HM13: variants seen among roughly 807,000 people sequenced by gnomAD.
HM13 encodes the protein signal peptide peptidase.
A neutral mutation model predicts 50.0 loss-of-function variants in HM13; 18 were observed. The ratio of observed to expected loss-of-function variants is 0.36; its 90% CI spans 0.25 to 0.53. The LOEUF (loss-of-function observed/expected upper bound fraction) is 0.53, where lower values mean the gene tolerates loss of function less well. HM13 is among the 20% of genes least tolerant of loss of function. The probability of loss-of-function intolerance (pLI) is 0.90; values close to 1 mark genes in which losing one functional copy is unlikely to be tolerated. For missense variants in HM13, 393 were observed against 552.4 expected (o/e 0.71, Z 2.89); for synonymous variants, 197 against 232.6 (o/e 0.85, Z 1.39).
chr20:31,545,473 A>G (rs941909850), intron 4 of HM13, among the ~76,000 whole-genome samples: 1 of 152,142 alleles, frequency 6.6e-6, no homozygotes, highest in African/African-American at 2.4e-5. Context: ...TTTTTTCAAA[A>G]ATAAAAACTG....
chr20:31,555,756 G>A (rs1241078115), intron 8 of HM13, among the ~76,000 whole-genome samples: 3 of 151,560 alleles, frequency 2.0e-5, no homozygotes, highest in Non-Finnish European at 4.4e-5. Flanking sequence ...ATCACTTGAT[G>A]CCAGGAGTTC....
At chr20:31,552,388 G>A (rs1984079659) in intron 7 of HM13, among the ~76,000 whole-genome samples, 1 of 152,146 alleles carries the variant, frequency 6.6e-6, no homozygotes, top group African/African-American at 2.4e-5. Context: ...GAAAGAGGTG[G>A]GCAGAGGCCA....
At chr20:31,544,865 A>G in intron 3 of HM13, 82 bp from the exon 4 acceptor site, 1 of 1,069,774 alleles carries the variant, frequency 9.3e-7, no homozygotes, top group South Asian at 1.3e-5. Context: ...TAAGGGTGCC[A>G]GCTGTAAATG....
intron 12 of HM13, among the ~76,000 whole-genome samples, chr20:31,568,830 C>T (rs1233942505): frequency 6.6e-6 from 1 of 152,214 alleles, no homozygotes; most frequent in Non-Finnish European, 1.5e-5. Flanking sequence ...GTTCAGGAAG[C>T]TTGAAATCAG....
intron 12 of HM13, 74 bp downstream of exon 12, chr20:31,568,298 G>A: frequency 6.4e-7 from 1 of 1,564,554 alleles, no homozygotes; most frequent in Non-Finnish European, 8.7e-7. Flanking sequence ...AGACACTGCA[G>A]CTCCAGTGCA....
intron 1 of HM13, among the ~76,000 whole-genome samples, chr20:31,517,789 G>T (rs1981887213): frequency 8.0e-6 from 1 of 125,318 alleles, no homozygotes; most frequent in Admixed American, 7.1e-5. Flanking sequence ...CAATGCAGCG[G>T]TTAATCGTAT....
chr20:31,525,203 A>G (rs1220841125), intron 1 of HM13, among the ~76,000 whole-genome samples: 3 of 152,008 alleles, frequency 2.0e-5, no homozygotes, highest in Non-Finnish European at 4.4e-5. Context: ...CAAGAGGATT[A>G]CTTAAACCCA....
chr20:31,538,447 C>A, intron 3 of HM13, 186 bp downstream of exon 3: 1 of 1,433,300 alleles, frequency 7.0e-7, no homozygotes. Context: ...CTCTGGGCCA[C>A]AGTTTCCTTA....
intron 1 of HM13, 149 bp from the exon 2 acceptor site, chr20:31,527,335 C>T (rs905087407): frequency 1.7e-6 from 1 of 589,524 alleles, no homozygotes. Flanking sequence ...AAGACTCCAT[C>T]TCAAAAAAAA....
intron 3 of HM13, among the ~76,000 whole-genome samples, 159 bp from the exon 4 acceptor site, chr20:31,544,788 C>G (rs1006106177): frequency 1.3e-5 from 2 of 152,192 alleles, no homozygotes; most frequent in Non-Finnish European, 2.9e-5. Flanking sequence ...AATCACTTAC[C>G]TTTTGAGGGC....
At chr20:31,528,713 A>G (rs921325953) in intron 2 of HM13, among the ~76,000 whole-genome samples, 1 of 152,150 alleles carries the variant, frequency 6.6e-6, no homozygotes, top group Non-Finnish European at 1.5e-5. Flanking sequence ...TCCTGACCTC[A>G]TGATCCACCC....
chr20:31,568,536 C>A (rs1985067872), intron 12 of HM13, among the ~76,000 whole-genome samples: 1 of 152,244 alleles, frequency 6.6e-6, no homozygotes, highest in South Asian at 2.1e-4. Context: ...AAGTTACTTT[C>A]TTCATCTGTA....
At chr20:31,557,371 G>A (rs1032505879) in intron 8 of HM13, among the ~76,000 whole-genome samples, 2 of 152,182 alleles carry the variant, frequency 1.3e-5, no homozygotes, top group African/African-American at 4.8e-5. Flanking sequence ...GGACATCTCG[G>A]CATATCTGTC....
chr20:31,557,897 G>A (rs894795312), intron 8 of HM13, among the ~76,000 whole-genome samples: 1 of 152,058 alleles, frequency 6.6e-6, no homozygotes, highest in African/African-American at 2.4e-5. Context: ...AGTAGAGACG[G>A]GGTTGCACCA....
intron 3 of HM13, among the ~76,000 whole-genome samples, chr20:31,543,079 A>C (rs185432504): frequency 6.6e-4 from 100 of 152,312 alleles, no homozygotes; most frequent in Non-Finnish European, 1.0e-3. Context: ...CTGATTCAGC[A>C]AACTAATCTG....
intron 2 of HM13, chr20:31,527,865 T>C (rs200316791): frequency 3.3e-6 from 1 of 303,886 alleles, no homozygotes; most frequent in East Asian, 5.8e-5. Flanking sequence ...GTATAGCTTG[T>C]GCTCAGACAT....
intron 1 of HM13, among the ~76,000 whole-genome samples, chr20:31,522,121 G>A (rs186877731): frequency 6.6e-6 from 1 of 152,258 alleles, no homozygotes; most frequent in East Asian, 1.9e-4. Context: ...CCAGGGTGCT[G>A]AGCTGAATTG....
rs980687594 is a variant in HM13, at chr20:31,529,715, A to G, written c.282+2133A>G. The stretch of plus-strand genomic sequence containing the variant: ...TGGATCATCTGAGGTCAGGAATTCA[A>G]GACCACCCTGGCCAACAATGGTGAA... On this transcript the variant is annotated intron_variant, in intron 2 of 12. Coordinates refer to ENST00000398174, the MANE Select transcript of HM13 (RefSeq NM_178581.3). Among the ~76,000 whole-genome samples the G allele has an allele frequency of 2.0e-5, 3 of 152,198 alleles. No homozygotes were observed. The South Asian group carries it at 6.2e-4, about 32-fold the overall frequency.
intron 2 of HM13, among the ~76,000 whole-genome samples, chr20:31,528,932 A>G (rs1315650015): frequency 1.3e-5 from 2 of 152,168 alleles, no homozygotes; most frequent in East Asian, 3.9e-4. Flanking sequence ...TAATAAGTGT[A>G]TGTTTAGCAT....
Sources: gnomAD v4.1 joint callset for allele counts (sites outside exome capture counted in the v4.1 genomes callset) on GRCh38, gnomAD v4.1.1 for gene constraint, MANE v1.5 for transcripts, NCBI Gene and HGNC (gene_info 2026-07-23, HGNC 2026-07-21) for gene names.